The following TNS3 variants were observed in gnomAD, a reference collection of about 807,000 sequenced individuals.
TNS3 encodes tensin-3.
In TNS3, 45 loss-of-function variants were observed where a neutral mutation model predicts 140.9. That is an observed-to-expected ratio of 0.32 (90% CI 0.25 to 0.41). The LOEUF is 0.41. Ranked by LOEUF, TNS3 falls within the 10% of genes least tolerant of loss-of-function variation. The pLI is 1.00. For synonymous variants in TNS3, 815 were observed against 788.4 expected, an observed-to-expected ratio of 1.03 and a Z score of -0.56; for missense variants, 1,716 against 1,906.7, an observed-to-expected ratio of 0.90 and a Z score of 1.86.
chr7:47,340,585 C>CTTTTTTTTTTTTTTTT (rs774726583), intron 20 of TNS3, among the ~76,000 whole-genome samples: 19 of 134,866 alleles, frequency 1.4e-4, no homozygotes, highest in African/African-American at 5.3e-4. Context: ...TCTTTTTTTT[C>CTTTTTTTTTTTTTTTT]TTTTTTTTTT....
At chr7:47,539,568 A>G (rs1324705347) in intron 1 of TNS3, 1 of 171,558 alleles carries the variant, frequency 5.8e-6, no homozygotes, top group Non-Finnish European at 1.3e-5. Flanking sequence ...CCTTGGGCTC[A>G]CTTGGGGCTT....
intron 13 of TNS3, among the ~76,000 whole-genome samples, chr7:47,403,031 A>C (rs927534006): frequency 2.6e-5 from 4 of 152,096 alleles, no homozygotes; most frequent in South Asian, 4.2e-4. Context: ...AAACAGAGGG[A>C]GCTGTGGGCT....
At chr7:47,287,142 T>C (rs976495433) in intron 27 of TNS3, among the ~76,000 whole-genome samples, 3 of 151,668 alleles carry the variant, frequency 2.0e-5, no homozygotes, top group Non-Finnish European at 4.4e-5. Context: ...TGCTAAAAAA[T>C]GCAACTGCAA....
chr7:47,463,178 C>T (rs1013397003), intron 4 of TNS3, among the ~76,000 whole-genome samples: 1 of 152,192 alleles, frequency 6.6e-6, no homozygotes, highest in Non-Finnish European at 1.5e-5. Context: ...GGTGCAGTGG[C>T]TCACACCTGT....
intron 17 of TNS3, among the ~76,000 whole-genome samples, chr7:47,365,467 C>T (rs59159358): frequency 0.014 from 2,116 of 148,416 alleles, 53 homozygotes; most frequent in African/African-American, 0.047. Context: ...AAAGTGTTCT[C>T]AAAGTAACGA....
At chr7:47,521,442 G>A (rs192410655) in intron 2 of TNS3, among the ~76,000 whole-genome samples, 90 of 152,302 alleles carry the variant, frequency 5.9e-4, no homozygotes, top group African/African-American at 2.0e-3. Context: ...TTGGGACGGA[G>A]GTGTCTGCCC....
intron 2 of TNS3, among the ~76,000 whole-genome samples, chr7:47,527,214 G>C (rs1002551716): frequency 1.3e-5 from 2 of 152,124 alleles, no homozygotes; most frequent in African/African-American, 4.8e-5. Flanking sequence ...TGCAGCCTGG[G>C]TGACAGAGCA....
At chr7:47,282,539 A>G (rs1008195657) in intron 28 of TNS3, among the ~76,000 whole-genome samples, 2 of 152,042 alleles carry the variant, frequency 1.3e-5, no homozygotes, top group Non-Finnish European at 2.9e-5. Context: ...CCCTGAGAAC[A>G]TGGTGGGGTT....
chr7:47,385,441 T>C (rs1335310778), intron 16 of TNS3, among the ~76,000 whole-genome samples: 3 of 152,160 alleles, frequency 2.0e-5, no homozygotes, highest in African/African-American at 4.8e-5. Context: ...CACGGAGCTG[T>C]GCCATCCAAT....
intron 20 of TNS3, among the ~76,000 whole-genome samples, chr7:47,329,726 A>G (rs1788230185): frequency 6.6e-6 from 1 of 152,054 alleles, no homozygotes; most frequent in Non-Finnish European, 1.5e-5. Flanking sequence ...GTCACTCCCC[A>G]AGCAGAGAGG....
intron 17 of TNS3, among the ~76,000 whole-genome samples, chr7:47,366,493 G>A (rs919943859): frequency 6.6e-6 from 1 of 152,204 alleles, no homozygotes; most frequent in Non-Finnish European, 1.5e-5. Flanking sequence ...CTCACAGATG[G>A]AGTGAAGAGA....
At chr7:47,571,083 G>T (rs1332774822) in intron 1 of TNS3, among the ~76,000 whole-genome samples, 2 of 152,164 alleles carry the variant, frequency 1.3e-5, no homozygotes, top group Non-Finnish European at 2.9e-5. Flanking sequence ...GTCTGTCTTG[G>T]GGGGCCCAAC....
At chr7:47,485,960 GTGTGGGTGTGTGAA>G (rs1001752056) in intron 3 of TNS3, among the ~76,000 whole-genome samples, 5 of 151,976 alleles carry the variant, frequency 3.3e-5, no homozygotes, top group Admixed American at 3.3e-4. Context: ...ATGAGTGTGA[GTGTGGGTGTGTGAA>G]TGTGGGTGAG....
chr7:47,509,834 A>C (rs10255454), intron 2 of TNS3, among the ~76,000 whole-genome samples: 3,095 of 151,970 alleles, frequency 0.02, 110 homozygotes, highest in African/African-American at 0.07. Flanking sequence ...GTGCCACTGA[A>C]CCATCATGGC....
At chr7:47,412,909 A>C (rs983097076) in intron 12 of TNS3, among the ~76,000 whole-genome samples, 3 of 152,206 alleles carry the variant, frequency 2.0e-5, no homozygotes, top group Admixed American at 1.3e-4. Context: ...ATACAGGAGA[A>C]TGCTCATGGG....
At chr7:47,427,123 CAAA>C (rs61383259) in intron 9 of TNS3, among the ~76,000 whole-genome samples, 36,187 of 106,296 alleles carry the variant, frequency 0.34, 5,167 homozygotes, top group Non-Finnish European at 0.4. Flanking sequence ...AAGACTCTGT[CAAA>C]AAAAAAAAAA....
In TNS3 at chr7:47,409,549, A is replaced by G. The variant is rs1435848413; in HGVS notation, c.723+2178T>C. Among the ~76,000 whole-genome samples, 6 of 152,268 alleles carry G rather than the reference A, an allele frequency of 3.9e-5. No homozygotes were observed. The East Asian group carries it at 1.2e-3, about 29-fold the overall frequency. ...TCATCACTGAAGACCTGGTTCAGGGAGCACCCGCCCTTGAGATGCTGCCTC... is the reference window on the plus strand; with the variant it reads ...TCATCACTGAAGACCTGGTTCAGGGGGCACCCGCCCTTGAGATGCTGCCTC... On this transcript the variant is annotated intron_variant, in intron 13 of 30. Coordinates refer to ENST00000311160, the MANE Select transcript of TNS3 (RefSeq NM_022748.12).
chr7:47,421,815 T>TGTAACAAACAAG (rs1426906061), intron 10 of TNS3, among the ~76,000 whole-genome samples: 41 of 152,330 alleles, frequency 2.7e-4, no homozygotes, highest in African/African-American at 9.9e-4. Flanking sequence ...GGCGTTTCAG[T>TGTAACAAACAAG]GTAACAAAGA....
chr7:47,430,289 C>T (rs1015041711), intron 8 of TNS3, among the ~76,000 whole-genome samples: 2 of 151,888 alleles, frequency 1.3e-5, no homozygotes, highest in Non-Finnish European at 2.9e-5. Flanking sequence ...TCACCATGCC[C>T]GGCTAATTTT....
Sources: allele counts gnomAD v4.1 joint callset (sites outside exome capture counted in the v4.1 genomes callset), GRCh38; gene constraint gnomAD v4.1.1; transcripts MANE v1.5; gene names NCBI Gene and HGNC (gene_info 2026-07-23, HGNC 2026-07-21).